Variants in RABGAP1L observed in about 807,000 individuals in gnomAD.
The protein encoded by RABGAP1L is rab GTPase-activating protein 1-like.
In RABGAP1L, 63 loss-of-function variants were observed where a neutral mutation model predicts 137.7. The observed-to-expected ratio is 0.46, with a 90% CI of 0.37 to 0.56. The LOEUF (loss-of-function observed/expected upper bound fraction) is 0.56, where lower values mean the gene tolerates loss of function less well. RABGAP1L is among the 20% of genes least tolerant of loss of function. The pLI, the probability that RABGAP1L is intolerant of heterozygous loss-of-function variation, is 0.00. For missense variants in RABGAP1L, 1,095 were observed against 1,244.0 expected (o/e 0.88, Z 1.80); for synonymous variants, 431 against 433.7 (o/e 0.99, Z 0.08).
Position 174,354,942 on chromosome 1 carries a change from G to C in RABGAP1L, c.1466-16037G>C, listed in dbSNP as rs1343977098. ...ACTCCTTTCCTCATTTCTTCTTTTT[G>C]TCAGGTTTGTCAAAGATCAGATGGT... On this transcript the variant is annotated intron_variant, in intron 11 of 25. Coordinates refer to ENST00000681986, the MANE Select transcript of RABGAP1L (RefSeq NM_001366446.1). 2.0e-5 allele frequency among the ~76,000 whole-genome samples: 3 copies of C among 152,056 alleles called. 1 individual carries two copies. Among genetic ancestry groups the C allele is most frequent in the Admixed American group, 2.0e-4 (3 of 15,266 alleles).
At chr1:174,216,221 A>T (rs570393357) in intron 1 of RABGAP1L, among the ~76,000 whole-genome samples, 1 of 152,194 alleles carries the variant, frequency 6.6e-6, no homozygotes. Context: ...GAAAGAATGA[A>T]TAAAACCTAG....
rs568332579 is a variant in RABGAP1L at position 174,611,721 on chromosome 1, T to C, written c.1711-25654T>C. On this transcript the variant is annotated intron_variant, in intron 13 of 25. Transcript: ENST00000681986. ...TGTTCTTCCATTTGTTTGTATCCTCTTTTATTTCCTTGAGCAGTGGTTTGT... is the reference window on the plus strand; with the variant it reads ...TGTTCTTCCATTTGTTTGTATCCTCCTTTATTTCCTTGAGCAGTGGTTTGT... Among the ~76,000 whole-genome samples, 9 of 152,154 alleles carry C rather than the reference T, an allele frequency of 5.9e-5. No homozygotes were observed. In the South Asian group the frequency reaches 1.7e-3, roughly 28 times the overall value.
rs879538436 is a variant in RABGAP1L at position 174,633,201 on chromosome 1, C to G, written c.1711-4174C>G. Reference sequence around the variant, plus strand: ...TCAGCAAAGTCTCAGGATACAAAATCAATGTACAAAAATCACAAGCATTCT... The same window carrying G: ...TCAGCAAAGTCTCAGGATACAAAATGAATGTACAAAAATCACAAGCATTCT... On this transcript the variant is annotated intron_variant, in intron 13 of 25. Transcript: ENST00000681986. 5.6e-3 allele frequency among the ~76,000 whole-genome samples: 834 copies of G among 149,704 alleles called. 3 individuals are homozygous for G. The highest frequency in any genetic ancestry group is 0.012 in the South Asian group (57 of 4,590).
At chr1:174,411,168 A>G (rs577511763) in intron 13 of RABGAP1L, among the ~76,000 whole-genome samples, 2 of 152,138 alleles carry the variant, frequency 1.3e-5, no homozygotes, top group Non-Finnish European at 2.9e-5. Flanking sequence ...CTAGTATAGG[A>G]TCACATCATC....
chr1:174,633,492 C>T (rs936214439), intron 13 of RABGAP1L, among the ~76,000 whole-genome samples: 2 of 151,520 alleles, frequency 1.3e-5, no homozygotes, highest in African/African-American at 2.4e-5. Context: ...CCATCCCCAT[C>T]AAGCTACCAA....
At chr1:174,564,636 C>T (rs1667447859) in intron 13 of RABGAP1L, among the ~76,000 whole-genome samples, 2 of 152,118 alleles carry the variant, frequency 1.3e-5, no homozygotes, top group African/African-American at 4.8e-5. Context: ...TGAAACACCT[C>T]AGATCCCCTG....
intron 19 of RABGAP1L, among the ~76,000 whole-genome samples, chr1:174,949,228 G>T (rs1015303616): frequency 6.6e-6 from 1 of 152,210 alleles, no homozygotes; most frequent in African/African-American, 2.4e-5. Flanking sequence ...ATTGGAAAAT[G>T]TTAGGAAGGA....
intron 19 of RABGAP1L, among the ~76,000 whole-genome samples, chr1:174,929,527 G>T (rs189230562): frequency 6.6e-6 from 1 of 152,070 alleles, no homozygotes; most frequent in African/African-American, 2.4e-5. Flanking sequence ...AGGATCACTT[G>T]AGGCCAGAGT....
intron 16 of RABGAP1L, chr1:174,701,203 T>C (rs949718609): frequency 1.6e-6 from 2 of 1,280,368 alleles, no homozygotes; most frequent in Non-Finnish European, 2.0e-6. Context: ...AACCATTTGC[T>C]TGTTTAAATT....
intron 3 of RABGAP1L, among the ~76,000 whole-genome samples, chr1:174,225,771 T>C (rs1255377147): frequency 6.6e-6 from 1 of 152,160 alleles, no homozygotes; most frequent in African/African-American, 2.4e-5. Context: ...GTTTCTTTCT[T>C]AGAGTTTTTG....
At chr1:174,885,960 C>T (rs1420304573) in intron 19 of RABGAP1L, among the ~76,000 whole-genome samples, 1 of 151,316 alleles carries the variant, frequency 6.6e-6, no homozygotes, top group African/African-American at 2.4e-5. Context: ...GAGCAGGACT[C>T]CATCTCAAAA....
intron 13 of RABGAP1L, among the ~76,000 whole-genome samples, chr1:174,538,842 G>A (rs557596688): frequency 3.9e-5 from 6 of 152,268 alleles, no homozygotes; most frequent in Non-Finnish European, 7.4e-5. Context: ...TTATGTATAT[G>A]TAATCGTTCA....
intron 11 of RABGAP1L, among the ~76,000 whole-genome samples, chr1:174,352,417 T>TA (rs1558157654): frequency 6.6e-6 from 1 of 152,126 alleles, no homozygotes; most frequent in African/African-American, 2.4e-5. Context: ...TGCTTGATTT[T>TA]AAAAAAATAA....
chr1:174,716,553 G>A (rs1681027180), intron 17 of RABGAP1L, among the ~76,000 whole-genome samples: 1 of 152,126 alleles, frequency 6.6e-6, no homozygotes, highest in African/African-American at 2.4e-5. Context: ...TAGAACTGTT[G>A]TTTGCATTTG....
chr1:174,596,436 C>T (rs1018364101), intron 13 of RABGAP1L, among the ~76,000 whole-genome samples: 2 of 152,158 alleles, frequency 1.3e-5, no homozygotes. Context: ...TCTTTCACTT[C>T]TTTGGTTAAG....
chr1:174,259,218 T>C (rs1013644274), intron 7 of RABGAP1L, among the ~76,000 whole-genome samples: 2 of 152,204 alleles, frequency 1.3e-5, no homozygotes, highest in African/African-American at 2.4e-5. Context: ...TTGACCCTTT[T>C]GATAACAAGC....
chr1:174,617,744 G>T (rs1672026323), intron 13 of RABGAP1L, among the ~76,000 whole-genome samples: 1 of 152,190 alleles, frequency 6.6e-6, no homozygotes, highest in Admixed American at 6.5e-5. Flanking sequence ...AGGGGGTGCA[G>T]CCAAGAGGCC....
At chr1:174,658,650 A>G (rs1676146538) in intron 14 of RABGAP1L, among the ~76,000 whole-genome samples, 1 of 151,906 alleles carries the variant, frequency 6.6e-6, no homozygotes, top group Non-Finnish European at 1.5e-5. Flanking sequence ...TTGATTCTCC[A>G]TTCTTGGCCA....
At chr1:174,605,152 AAAACAAAC>A (rs59164898) in intron 13 of RABGAP1L, among the ~76,000 whole-genome samples, 20,818 of 151,690 alleles carry the variant, frequency 0.14, 4,789 homozygotes, top group African/African-American at 0.48. Flanking sequence ...AAACCAAACC[AAAACAAAC>A]AAACAAACAA....
Sources: gnomAD v4.1 joint callset for allele counts (sites outside exome capture counted in the v4.1 genomes callset) on GRCh38, gnomAD v4.1.1 for gene constraint, MANE v1.5 for transcripts, NCBI Gene and HGNC (gene_info 2026-07-23, HGNC 2026-07-21) for gene names.